Variants in LYPD6 observed in about 807,000 individuals in gnomAD.
LYPD6 encodes ly6/PLAUR domain-containing protein 6.
Under a neutral mutation model 22.7 loss-of-function variants are expected in LYPD6, and 15 were observed. That is an observed-to-expected ratio of 0.66 (90% CI 0.44 to 1.02). The LOEUF (loss-of-function observed/expected upper bound fraction) is 1.02, where lower values mean the gene tolerates loss of function less well. Ranked by LOEUF, LYPD6 falls within the 50% of genes least tolerant of loss-of-function variation. LYPD6 has a pLI of 0.00. For synonymous variants in LYPD6, 72 were observed against 77.5 expected (o/e 0.93, Z 0.37); for missense variants, 189 against 208.4 (o/e 0.91, Z 0.57).
intron 1 of LYPD6, among the ~76,000 whole-genome samples, chr2:149,431,775 CA>C (rs1174577831): frequency 1.5e-4 from 23 of 152,006 alleles, no homozygotes; most frequent in African/African-American, 5.3e-4. Context: ...TGGGCTCTAT[CA>C]AAATTAAAAA....
intron 2 of LYPD6, among the ~76,000 whole-genome samples, chr2:149,446,076 G>T (rs1295828375): frequency 6.6e-6 from 1 of 152,178 alleles, no homozygotes; most frequent in Non-Finnish European, 1.5e-5. Flanking sequence ...AAATATGGAG[G>T]TCTGGGGCAG....
intron 1 of LYPD6, among the ~76,000 whole-genome samples, chr2:149,402,778 G>A (rs373670077): frequency 1.2e-3 from 185 of 151,502 alleles, no homozygotes; most frequent in South Asian, 0.01. Context: ...TGTGCACAAC[G>A]TGCAGGTTTG....
chr2:149,431,359 A>G (rs1241189808), intron 1 of LYPD6, among the ~76,000 whole-genome samples: 2 of 152,246 alleles, frequency 1.3e-5, no homozygotes, highest in Non-Finnish European at 2.9e-5. Flanking sequence ...ACTTCATATC[A>G]TCTGAACATG....
At chr2:149,467,928 G>A (rs1341142147) in intron 3 of LYPD6, among the ~76,000 whole-genome samples, 5 of 151,846 alleles carry the variant, frequency 3.3e-5, no homozygotes, top group Admixed American at 3.3e-4. Flanking sequence ...AGACATAGAG[G>A]GACCTCTGGA....
At chr2:149,421,452 A>C (rs1392119640) in intron 1 of LYPD6, among the ~76,000 whole-genome samples, 1 of 151,864 alleles carries the variant, frequency 6.6e-6, no homozygotes, top group Non-Finnish European at 1.5e-5. Context: ...CTGTATCTGT[A>C]AAATGGAGTA....
intron 2 of LYPD6, among the ~76,000 whole-genome samples, chr2:149,447,030 G>A (rs1683704971): frequency 6.6e-6 from 1 of 152,224 alleles, no homozygotes; most frequent in Non-Finnish European, 1.5e-5. Flanking sequence ...AGAGAGAACA[G>A]TTGGCTCCTG....
intron 1 of LYPD6, among the ~76,000 whole-genome samples, chr2:149,375,985 T>C (rs1681912440): frequency 6.6e-6 from 1 of 152,226 alleles, no homozygotes; most frequent in Non-Finnish European, 1.5e-5. Flanking sequence ...CCAAGTGTTA[T>C]TTTAGCCTGA....
chr2:149,356,845 T>C (rs1681459225), intron 1 of LYPD6, among the ~76,000 whole-genome samples: 2 of 152,166 alleles, frequency 1.3e-5, no homozygotes, highest in Non-Finnish European at 2.9e-5. Context: ...TGATTCTTTA[T>C]GTATGTATAA....
intron 1 of LYPD6, among the ~76,000 whole-genome samples, chr2:149,412,048 A>G (rs1314833685): frequency 1.3e-5 from 2 of 152,172 alleles, no homozygotes; most frequent in African/African-American, 2.4e-5. Context: ...TATTTAGATT[A>G]TGTGCATTCT....
chr2:149,399,104 A>G (rs1246047449), intron 1 of LYPD6, among the ~76,000 whole-genome samples: 1 of 152,224 alleles, frequency 6.6e-6, no homozygotes, highest in Non-Finnish European at 1.5e-5. Context: ...GTGTTAAAAA[A>G]AAAATCAAGC....
chr2:149,416,275 G>T (rs1682960349), intron 1 of LYPD6, among the ~76,000 whole-genome samples: 4 of 152,140 alleles, frequency 2.6e-5, no homozygotes, highest in Admixed American at 2.6e-4. Flanking sequence ...GGTCTTGCTG[G>T]CTTACTTAAT....
chr2:149,451,907 T>A (rs142655286), intron 3 of LYPD6, among the ~76,000 whole-genome samples: 1 of 152,206 alleles, frequency 6.6e-6, no homozygotes, highest in East Asian at 1.9e-4. Context: ...TCTGAACATA[T>A]CAGATGTCAA....
intron 1 of LYPD6, among the ~76,000 whole-genome samples, chr2:149,397,065 TA>T (rs1346263216): frequency 6.6e-6 from 1 of 152,264 alleles, no homozygotes; most frequent in Non-Finnish European, 1.5e-5. Context: ...TTTTATGTTT[TA>T]AAAAATATAT....
intron 1 of LYPD6, among the ~76,000 whole-genome samples, chr2:149,433,216 T>C (rs991390588): frequency 3.3e-5 from 5 of 152,310 alleles, no homozygotes; most frequent in African/African-American, 7.2e-5. Flanking sequence ...TAAAAAATTA[T>C]TTGAATCCCC....
intron 1 of LYPD6, among the ~76,000 whole-genome samples, chr2:149,404,848 C>T (rs1307554627): frequency 3.3e-5 from 5 of 152,154 alleles, no homozygotes; most frequent in Non-Finnish European, 7.4e-5. Flanking sequence ...TTTGCCCATT[C>T]AGTATGATAT....
intron 1 of LYPD6, among the ~76,000 whole-genome samples, chr2:149,368,604 G>A (rs1242608522): frequency 6.6e-6 from 1 of 152,162 alleles, no homozygotes; most frequent in Non-Finnish European, 1.5e-5. Flanking sequence ...GTTCTTGGAT[G>A]TTGTTCCAGG....
intron 1 of LYPD6, among the ~76,000 whole-genome samples, chr2:149,396,200 ACT>A (rs1682425460): frequency 6.6e-6 from 1 of 150,752 alleles, no homozygotes; most frequent in South Asian, 2.1e-4. Context: ...GTTATATAGA[ACT>A]CTCTGTGAAA....
At chr2:149,398,688 C>T (rs1682483903) in intron 1 of LYPD6, among the ~76,000 whole-genome samples, 1 of 152,020 alleles carries the variant, frequency 6.6e-6, no homozygotes, top group Non-Finnish European at 1.5e-5. Context: ...TCCCAAACAG[C>T]TCGACCTGAA....
chr2:149,408,158 CCAGT>C, intron 1 of LYPD6, among the ~76,000 whole-genome samples: 1 of 152,116 alleles, frequency 6.6e-6, no homozygotes, highest in Admixed American at 6.5e-5. Flanking sequence ...GGGGTGCCTC[CCAGT>C]TAGGCTGCTC....
Sources: gnomAD v4.1 joint callset for allele counts (sites outside exome capture counted in the v4.1 genomes callset) on GRCh38, gnomAD v4.1.1 for gene constraint, MANE v1.5 for transcripts, NCBI Gene and HGNC (gene_info 2026-07-23, HGNC 2026-07-21) for gene names.